PWWP2A: variants seen among roughly 807,000 people sequenced by gnomAD.
PWWP2A encodes PWWP domain-containing protein 2A.
A neutral mutation model predicts 48.5 loss-of-function variants in PWWP2A; 18 were observed. The ratio of observed to expected loss-of-function variants is 0.37; its 90% confidence interval spans 0.26 to 0.55. PWWP2A has a LOEUF of 0.55. Among genes scored for constraint, PWWP2A ranks in the 20% least tolerant of loss-of-function variants. The probability of loss-of-function intolerance (pLI) is 0.81; values close to 1 mark genes in which losing one functional copy is unlikely to be tolerated. For missense variants in PWWP2A, 867 were observed against 976.4 expected, an observed-to-expected ratio of 0.89 and a Z score of 1.49; for synonymous variants, 396 against 387.7, an observed-to-expected ratio of 1.02 and a Z score of -0.25.
At chr5:160,089,944 A>G (rs2113513232), downstream of PWWP2A, 1 of 985,232 alleles carries the variant, frequency 1.0e-6, no homozygotes, top group East Asian at 1.1e-4. Flanking sequence ...AGACATTTCC[A>G]TTGGAATAAA....
chr5:160,098,275 G>C (rs868123204), intron 1 of PWWP2A, among the ~76,000 whole-genome samples: 1 of 152,190 alleles, frequency 6.6e-6, no homozygotes, highest in Non-Finnish European at 1.5e-5. Flanking sequence ...GTAATGATGA[G>C]TGAAAACTAC....
chr5:160,115,167 A>AAAAG (rs1757995423), intron 1 of PWWP2A, among the ~76,000 whole-genome samples: 1 of 145,878 alleles, frequency 6.9e-6, no homozygotes, highest in African/African-American at 2.6e-5. Flanking sequence ...AAAAAAAAAA[A>AAAAG]GAGCACAAAC....
downstream of PWWP2A, among the ~76,000 whole-genome samples, chr5:160,087,220 C>T (rs1350178086): frequency 2.0e-5 from 3 of 151,986 alleles, no homozygotes; most frequent in African/African-American, 7.2e-5. Context: ...CTCTACTAAA[C>T]ATTTTTTAAA....
chr5:160,115,137 CAAAA>C (rs535110852), intron 1 of PWWP2A, among the ~76,000 whole-genome samples: 7 of 88,410 alleles, frequency 7.9e-5, no homozygotes, highest in East Asian at 2.9e-4. Flanking sequence ...GAGACTCTGT[CAAAA>C]AAAAAAAAAA....
chr5:160,119,005 C>G lies in PWWP2A; in HGVS notation c.384G>C (p.Glu128Asp), dbSNP rs1421624854. 2.5e-6 allele frequency: 4 copies of G among 1,599,290 alleles called. No homozygotes were observed. Among genetic ancestry groups the G allele is most frequent in the Non-Finnish European group, 3.4e-6 (4 of 1,175,418 alleles). Residue 128 changes from glutamate to aspartate, a missense_variant, in exon 1 of 2, where the codon GAG becomes GAC. Coordinates refer to ENST00000307063, the MANE Select transcript of PWWP2A (RefSeq NM_001130864.2). ...ASPPEQPPAP[E>D]EREEPPLPQP... ...GAGGCAGCGGCGGCTCCTCGCGCTC[C>G]TCGGGAGCCGGGGGCTGCTCCGGCG...
At chr5:160,053,077 G>A in the PWWP2A span, among the ~76,000 whole-genome samples, 1 of 152,106 alleles carries the variant, frequency 6.6e-6, no homozygotes, top group Non-Finnish European at 1.5e-5. Context: ...TGGAATTTCA[G>A]CCCCCACAAG....
At chr5:160,070,768 C>A (rs1753722116) in intron 2 of PWWP2A, among the ~76,000 whole-genome samples, 1 of 152,198 alleles carries the variant, frequency 6.6e-6, no homozygotes, top group Admixed American at 6.5e-5. Context: ...AATGACAAGA[C>A]CTCATACGCT....
At chr5:160,068,552 T>C (rs1454803750) in intron 2 of PWWP2A, among the ~76,000 whole-genome samples, 2 of 152,222 alleles carry the variant, frequency 1.3e-5, no homozygotes, top group East Asian at 1.9e-4. Flanking sequence ...TAAGCTGAGA[T>C]CGTGCCACTG....
exon 3 of PWWP2A, chr5:160,080,655 C>T: frequency 1.3e-6 from 2 of 1,548,304 alleles, no homozygotes; most frequent in Non-Finnish European, 8.8e-7. Flanking sequence ...ACAGACCTGC[C>T]CGTTTCACTG....
At chr5:160,101,030 C>T (rs920327749) in intron 1 of PWWP2A, among the ~76,000 whole-genome samples, 1 of 152,116 alleles carries the variant, frequency 6.6e-6, no homozygotes, top group African/African-American at 2.4e-5. Context: ...ATATATTATA[C>T]AAAATAATAG....
downstream of PWWP2A, chr5:160,090,828 T>C (rs1284264363): frequency 1.0e-6 from 1 of 983,550 alleles, no homozygotes; most frequent in Non-Finnish European, 1.2e-6. Flanking sequence ...ACTTTAAAAA[T>C]CTTGAGATAA....
downstream of PWWP2A, among the ~76,000 whole-genome samples, chr5:160,057,892 CA>C (rs1426573387): frequency 1.3e-5 from 2 of 152,116 alleles, no homozygotes; most frequent in Non-Finnish European, 2.9e-5. This position sits in a 1 kb window ranked among gnomAD's most constrained non-coding sequence, Gnocchi z 4.4. Context: ...CTCAGCCTCC[CA>C]AGTAGCTGGG....
chr5:160,075,805 T>A (rs1469203544), downstream of PWWP2A: 23 of 69,820 alleles, frequency 3.3e-4, no homozygotes, highest in South Asian at 6.8e-4. Flanking sequence ...ATTCTAATAG[T>A]AAAAAAAAAA....
chr5:160,119,021 T>A lies in PWWP2A; in HGVS notation c.368A>T (p.Gln123Leu). 2 of 1,599,014 alleles carry A rather than the reference T, an allele frequency of 1.3e-6. No individual in the cohort carries two copies. Among genetic ancestry groups the A allele is most frequent in the African/African-American group, 2.7e-5 (2 of 73,408 alleles). The change falls in exon 1 of 2, where the codon CAG becomes CTG. Residue 123 changes from glutamine to leucine, a missense_variant. Gln to Leu is a moderately radical substitution (Grantham distance 113). Transcript: ENST00000307063. ...LPPSPASPPE[Q>L]PPAPEEREEP... ...CTCGCGCTCCTCGGGAGCCGGGGGC[T>A]GCTCCGGCGGCGATGCAGGAGAAGG...
chr5:160,045,128 G>T, the PWWP2A span, among the ~76,000 whole-genome samples: 4 of 152,136 alleles, frequency 2.6e-5, no homozygotes, highest in Non-Finnish European at 2.9e-5. Context: ...GGTTTTCAAA[G>T]CTTCTTTCTC....
chr5:160,079,693 T>A lies in PWWP2A; in HGVS notation c.1669+958A>T, dbSNP rs556007126. On this transcript the variant is annotated intron_variant, in intron 3 of 3. Coordinates refer to the PWWP2A transcript ENST00000456329. ...TTTAGTGAGGCCTATTTAAGTTCAG[T>A]TAAAATCTATGGCAGGAAAGGCAAG... is the stretch of plus-strand genomic sequence containing the variant. Among the ~76,000 whole-genome samples, 40 of 152,318 alleles carry A rather than the reference T, an allele frequency of 2.6e-4. 1 individual carries two copies. In the South Asian group the frequency reaches 7.7e-3, roughly 29 times the overall value.
chr5:160,058,441 C>T (rs990603702), downstream of PWWP2A, among the ~76,000 whole-genome samples: 8 of 143,108 alleles, frequency 5.6e-5, no homozygotes, highest in Admixed American at 2.9e-4. Flanking sequence ...GACGGAGTCT[C>T]GCTGTGTCGC....
chr5:160,092,828 G>C lies in PWWP2A; in HGVS notation c.1822C>G (p.Pro608Ala). The change falls in exon 2 of 2, where the codon CCA becomes GCA. Residue 608 changes from proline to alanine, a missense_variant. By Grantham distance (27) the Pro-to-Ala change is conservative (BLOSUM62 -1). Transcript: ENST00000307063. ...GTGGAAGGTGCATGCATACTGCCTGGAGGAAAATCAAAGCTTTCAGAAGAA... is the reference window on the plus strand; with the variant it reads ...GTGGAAGGTGCATGCATACTGCCTGCAGGAAAATCAAAGCTTTCAGAAGAA... ...CSSSESFDFP[P>A]GSMHAPSTSS... 1 of 1,551,682 alleles carries C rather than the reference G, an allele frequency of 6.4e-7. No individual in the cohort carries two copies. Among genetic ancestry groups the C allele is most frequent in the Non-Finnish European group, 8.7e-7 (1 of 1,146,992 alleles).
chr5:160,052,346 AT>A, the PWWP2A span, among the ~76,000 whole-genome samples: 2 of 151,978 alleles, frequency 1.3e-5, no homozygotes, highest in Non-Finnish European at 2.9e-5. Context: ...TCCACAAAAA[AT>A]TAGTCAGGCA....
Sources: allele counts gnomAD v4.1 joint callset (sites outside exome capture counted in the v4.1 genomes callset), GRCh38; gene constraint gnomAD v4.1.1; non-coding constraint Gnocchi (gnomAD v3.1); transcripts MANE v1.5; gene names NCBI Gene and HGNC (gene_info 2026-07-23, HGNC 2026-07-21).